The following SLC25A17 variants were observed in gnomAD, a reference collection of about 807,000 sequenced individuals.
The protein encoded by SLC25A17 is peroxisomal membrane protein PMP34.
SLC25A17 carries 26 observed loss-of-function variants against 38.5 expected under a neutral mutation model. The ratio of observed to expected loss-of-function variants is 0.68; its 90% confidence interval spans 0.50 to 0.94. The LOEUF (loss-of-function observed/expected upper bound fraction) is 0.94, where lower values mean the gene tolerates loss of function less well. SLC25A17 is among the 40% of genes least tolerant of loss of function. The pLI is 0.00. For missense variants in SLC25A17, 333 were observed against 372.7 expected (o/e 0.89, Z 0.88); for synonymous variants, 139 against 136.2 (o/e 1.02, Z -0.14).
chr22:40,774,393 T>G (rs1186045241), intron 7 of SLC25A17, among the ~76,000 whole-genome samples: 2 of 152,134 alleles, frequency 1.3e-5, no homozygotes, highest in Non-Finnish European at 2.9e-5. Flanking sequence ...CCGGCTAATT[T>G]TTGTATTTTT....
chr22:40,811,216 T>G (rs1384240958), intron 1 of SLC25A17, among the ~76,000 whole-genome samples: 2 of 152,016 alleles, frequency 1.3e-5, no homozygotes, highest in Non-Finnish European at 2.9e-5. Context: ...CAATATTCAG[T>G]GTTCCCATGA....
intron 1 of SLC25A17, among the ~76,000 whole-genome samples, chr22:40,813,711 G>A (rs942839250): frequency 1.7e-4 from 26 of 152,276 alleles, no homozygotes; most frequent in South Asian, 1.0e-3. Flanking sequence ...GCGACAGAGC[G>A]AGACTGAGTT....
intron 8 of SLC25A17, among the ~76,000 whole-genome samples, 189 bp downstream of exon 8, chr22:40,773,748 A>C (rs578019731): frequency 6.6e-6 from 1 of 152,280 alleles, no homozygotes; most frequent in Admixed American, 6.5e-5. Context: ...CTTTTCCATA[A>C]TTTCCCAAAA....
intron 1 of SLC25A17, among the ~76,000 whole-genome samples, chr22:40,814,787 ATATTG>A (rs1158809173): frequency 1.9e-5 from 2 of 103,260 alleles, no homozygotes; most frequent in Admixed American, 1.0e-4. Context: ...ATATATATAT[ATATTG>A]TTGTTGTTGT....
intron 4 of SLC25A17, chr22:40,779,582 T>C (rs746322978): frequency 4.5e-6 from 1 of 223,258 alleles, no homozygotes; most frequent in Non-Finnish European, 9.0e-6. Context: ...AGTATGGATA[T>C]GGTACAATGA....
At chr22:40,803,233 G>A (rs2057498892) in intron 1 of SLC25A17, among the ~76,000 whole-genome samples, 1 of 152,114 alleles carries the variant, frequency 6.6e-6, no homozygotes, top group African/African-American at 2.4e-5. Context: ...AGCTGGAACT[G>A]CAGCCCTGTG....
rs367858950 is a variant in SLC25A17 at position 40,769,890 on chromosome 22, G to A, written c.*944C>T. 6.6e-6 allele frequency: 1 copy of A among 152,086 alleles called. No homozygotes were observed. The highest frequency in any genetic ancestry group is 1.5e-5 in the Non-Finnish European group (1 of 68,030). The allele number at this position is 152,086 out of a possible 1,614,324, so 9.4% of individuals were successfully genotyped here. A position where few individuals can be genotyped will look rare whatever the true frequency, so the allele number is the denominator to read the frequency against. On this transcript the variant is annotated 3_prime_UTR_variant, in exon 9 of 9. Transcript: ENST00000435456. ...ACCACACTGAGCAACAGGACTCTAA[G>A]GAAGGTTTCCAAATGAAATAACCTC...
At chr22:40,788,725 A>G (rs919805833) in intron 4 of SLC25A17, 1 of 232,874 alleles carries the variant, frequency 4.3e-6, no homozygotes, top group African/African-American at 2.3e-5. Context: ...AAAACAAAAC[A>G]AAACACTGAA....
intron 4 of SLC25A17, among the ~76,000 whole-genome samples, chr22:40,783,974 G>GGATT (rs1432326125): frequency 9.2e-5 from 14 of 152,134 alleles, no homozygotes; most frequent in Admixed American, 7.2e-4. Flanking sequence ...CAAAGTGTTG[G>GGATT]GATTACAGGC....
At chr22:40,790,774 G>A (rs1351716444) in intron 4 of SLC25A17, among the ~76,000 whole-genome samples, 3 of 152,160 alleles carry the variant, frequency 2.0e-5, no homozygotes, top group African/African-American at 7.2e-5. Context: ...AGTTATATGA[G>A]TTAGTCCCTG....
At chr22:40,809,260 G>T (rs904527991) in intron 1 of SLC25A17, among the ~76,000 whole-genome samples, 1 of 151,884 alleles carries the variant, frequency 6.6e-6, no homozygotes, top group African/African-American at 2.4e-5. Flanking sequence ...GGGAGGGCGA[G>T]GTAGGAAGAC....
At chr22:40,798,660 TAA>T (rs10640211) in intron 2 of SLC25A17, among the ~76,000 whole-genome samples, 2,536 of 74,328 alleles carry the variant, frequency 0.034, 58 homozygotes, top group African/African-American at 0.11. Flanking sequence ...CACACATACA[TAA>T]AAAAAAAAAA....
chr22:40,806,832 T>C lies in SLC25A17; in HGVS notation c.55-7749A>G, dbSNP rs1252962684. On this transcript the variant is annotated intron_variant, in intron 1 of 8. Coordinates refer to ENST00000435456, the MANE Select transcript of SLC25A17 (RefSeq NM_006358.4). ...AATCATGTAACCTGTGACTTTTTGC[T>C]ACCGGCTTTTCCTTTCTTGTCTTAG... Among the ~76,000 whole-genome samples the C allele has an allele frequency of 5.3e-5, 8 of 152,338 alleles. No individual in the cohort carries two copies. The South Asian group carries it at 1.7e-3, about 32-fold the overall frequency.
chr22:40,801,900 C>G (rs1225142915), intron 1 of SLC25A17, among the ~76,000 whole-genome samples: 1 of 152,156 alleles, frequency 6.6e-6, no homozygotes, highest in Admixed American at 6.5e-5. Flanking sequence ...AAGCGATTCT[C>G]CTGTCTCAGC....
chr22:40,812,839 C>A (rs189934287), intron 1 of SLC25A17, among the ~76,000 whole-genome samples: 1 of 152,056 alleles, frequency 6.6e-6, no homozygotes, highest in Non-Finnish European at 1.5e-5. Context: ...AGCACTCCAG[C>A]CTGGGAAACA....
intron 1 of SLC25A17, among the ~76,000 whole-genome samples, chr22:40,810,589 C>T (rs1051042290): frequency 8.4e-4 from 127 of 152,070 alleles, no homozygotes; most frequent in African/African-American, 2.8e-3. Context: ...TCAGGTGATC[C>T]GCCCACCTTG....
Position 40,770,655 on chromosome 22 carries a change from C to T in SLC25A17, c.*179G>A. ...CCCAAAATCCAACCAGCCAGCATGA[C>T]AATTAAGGTGACAACAGGTCCAGTT... is the stretch of plus-strand genomic sequence containing the variant. On this transcript the variant is annotated 3_prime_UTR_variant, in exon 9 of 9. Transcript: ENST00000435456. The T allele has an allele frequency of 2.1e-6, 1 of 470,714 alleles. No homozygotes were observed. The highest frequency in any genetic ancestry group is 3.5e-6 in the Non-Finnish European group (1 of 285,656). 29.2% of individuals were successfully genotyped at this position (470,714 alleles called of 1,614,324 possible).
At chr22:40,794,972 C>CA (rs1490485208) in intron 2 of SLC25A17, among the ~76,000 whole-genome samples, 1 of 151,724 alleles carries the variant, frequency 6.6e-6, no homozygotes, top group Non-Finnish European at 1.5e-5. Context: ...AGGCTGGTCT[C>CA]AAACTTGTGG....
intron 3 of SLC25A17, 30 bp from the exon 4 acceptor site, chr22:40,792,706 A>G: frequency 6.2e-7 from 1 of 1,612,176 alleles, no homozygotes; most frequent in East Asian, 2.2e-5. Context: ...AGCAAAGTAA[A>G]GGTCATGGAC....
Sources: gnomAD v4.1 joint callset for allele counts (sites outside exome capture counted in the v4.1 genomes callset) on GRCh38, gnomAD v4.1.1 for gene constraint, MANE v1.5 for transcripts, NCBI Gene and HGNC (gene_info 2026-07-23, HGNC 2026-07-21) for gene names.